Variants in PAH observed in about 807,000 individuals in gnomAD.
The protein encoded by PAH is phenylalanine hydroxylase, also known as phenylalanine-4-hydroxylase.
PAH carries 64 observed loss-of-function variants against 62.0 expected under a neutral mutation model. The observed-to-expected ratio is 1.03, with a 90% CI of 0.84 to 1.27. PAH has a LOEUF of 1.27. PAH is among the 50% of genes most tolerant of loss of function. The pLI is 0.00. For synonymous variants in PAH, 195 were observed against 196.2 expected (o/e 0.99, Z 0.05); for missense variants, 579 against 542.8 (o/e 1.07, Z -0.66).
intron 1 of PAH, chr12:102,913,946 A>C (rs2136729587): frequency 1.5e-6 from 1 of 676,316 alleles, no homozygotes; most frequent in East Asian, 2.7e-5. Context: ...GGGAAGAAAA[A>C]AATTTGCAGA....
intron 3 of PAH, among the ~76,000 whole-genome samples, chr12:102,883,112 C>T (rs963926087): frequency 2.6e-5 from 4 of 152,232 alleles, no homozygotes; most frequent in Admixed American, 6.5e-5. Flanking sequence ...GATTTATCGG[C>T]GCAGCAAACC....
In PAH at chr12:102,866,748, A is replaced by G. The variant is rs572550494; in HGVS notation, c.442-85T>C. Reference sequence around the variant, plus strand: ...ATGAATGCTTTGAATGGGGGCTCTCAAGCCATGACAGTGCATGTCTCCTTC... The same window carrying G: ...ATGAATGCTTTGAATGGGGGCTCTCGAGCCATGACAGTGCATGTCTCCTTC... On this transcript the variant is annotated intron_variant, in intron 4 of 12. Coordinates refer to ENST00000553106, the MANE Select transcript of PAH (RefSeq NM_000277.3). The G allele has an allele frequency of 2.8e-5, 30 of 1,083,796 alleles. No individual in the cohort carries two copies. The African/African-American group carries it at 4.5e-4, about 16-fold the overall frequency. The allele number at this position is 1,083,796 out of a possible 1,614,324, so 67.1% of individuals were successfully genotyped here.
chr12:102,855,886 G>C (rs1270340199), intron 5 of PAH, among the ~76,000 whole-genome samples: 1 of 152,008 alleles, frequency 6.6e-6, no homozygotes, highest in African/African-American at 2.4e-5. Context: ...TGCACTTATT[G>C]GGTTTGATAT....
chr12:102,911,309 A>G (rs1395631008), intron 2 of PAH, among the ~76,000 whole-genome samples: 1 of 152,196 alleles, frequency 6.6e-6, no homozygotes, highest in Non-Finnish European at 1.5e-5. Flanking sequence ...TTATTGAGGA[A>G]GAGACCCCAC....
At chr12:102,885,908 C>T (rs887132228) in intron 3 of PAH, 2 of 152,468 alleles carry the variant, frequency 1.3e-5, no homozygotes, top group African/African-American at 4.8e-5. Flanking sequence ...GCTGTTTTCA[C>T]CACCTCCTCC....
At chr12:102,862,774 T>C (rs540925971) in intron 5 of PAH, among the ~76,000 whole-genome samples, 1 of 152,224 alleles carries the variant, frequency 6.6e-6, no homozygotes, top group African/African-American at 2.4e-5. Context: ...GGCTCCAGAT[T>C]AGGTCTTTCT....
chr12:102,840,523 C>T lies in PAH; in HGVS notation c.1200-8G>A, dbSNP rs62507261. 1.3e-6 allele frequency: 2 copies of T among 1,591,358 alleles called. No individual in the cohort carries two copies. Among genetic ancestry groups the T allele is most frequent in the East Asian group, 2.2e-5 (1 of 44,734 alleles). The stretch of plus-strand genomic sequence containing the variant: ...ATTGTGGCAGCAAAGTTCCTAAGAC[C>T]AAAACCACAGGCTTGAGTGAAGGGC... On this transcript the variant is annotated splice_polypyrimidine_tract_variant and splice_region_variant and intron_variant, in intron 11 of 12. Coordinates refer to ENST00000553106, the MANE Select transcript of PAH (RefSeq NM_000277.3).
intron 3 of PAH, among the ~76,000 whole-genome samples, chr12:102,890,574 A>G (rs1877236063): frequency 6.6e-6 from 1 of 152,244 alleles, no homozygotes; most frequent in Non-Finnish European, 1.5e-5. Flanking sequence ...GTGACCAATC[A>G]TCTGAAGAAA....
At chr12:102,886,709 C>A (rs992437040) in intron 3 of PAH, among the ~76,000 whole-genome samples, 4 of 152,222 alleles carry the variant, frequency 2.6e-5, no homozygotes, top group Non-Finnish European at 1.5e-5. Flanking sequence ...GGGCTCAGTG[C>A]CTTGGTGCAC....
upstream of PAH, among the ~76,000 whole-genome samples, chr12:102,920,765 C>A (rs564082301): frequency 3.9e-5 from 6 of 152,278 alleles, no homozygotes; most frequent in East Asian, 1.9e-4. Context: ...AGATTTACTA[C>A]AATCTATGGA....
Position 102,879,566 on chromosome 12 carries a change from T to C in PAH, c.353-2016A>G, listed in dbSNP as rs549707215. Among the ~76,000 whole-genome samples, 13 of 147,188 alleles carry C rather than the reference T, an allele frequency of 8.8e-5. 1 individual carries two copies. In the South Asian group the frequency reaches 1.1e-3, roughly 13 times the overall value. On this transcript the variant is annotated intron_variant, in intron 3 of 12. Transcript: ENST00000553106. ...GGCTCTCTACCACCCATGTTAGCAA[T>C]AAAACTAACACTGAATGGTGTTCTA...
At chr12:102,879,852 C>T (rs184393528) in intron 3 of PAH, among the ~76,000 whole-genome samples, 2 of 152,264 alleles carry the variant, frequency 1.3e-5, no homozygotes, top group South Asian at 2.1e-4. Flanking sequence ...AGTTTCCATG[C>T]CCCTAAAGCA....
chr12:102,838,320 A>ATT lies in PAH; in HGVS notation c.*853_*854dup, dbSNP rs1874448663. 1 of 152,270 alleles carries ATT rather than the reference A, an allele frequency of 6.6e-6. No homozygotes were observed. The highest frequency in any genetic ancestry group is 2.4e-5 in the African/African-American group (1 of 41,474). 9.4% of individuals were successfully genotyped at this position (152,270 alleles called of 1,614,324 possible). On this transcript the variant is annotated 3_prime_UTR_variant, in exon 13 of 13. Coordinates refer to ENST00000553106, the MANE Select transcript of PAH (RefSeq NM_000277.3). ...TCCAGGAAATAACTGAAACAGTGAAATTGTTTAAACTACTAATGTTTTATT... is the reference window on the plus strand; with the variant it reads ...TCCAGGAAATAACTGAAACAGTGAAATTTTGTTTAAACTACTAATGTTTTATT...
chr12:102,882,561 T>C (rs1234100241), intron 3 of PAH, among the ~76,000 whole-genome samples: 1 of 146,744 alleles, frequency 6.8e-6, no homozygotes, highest in Non-Finnish European at 1.5e-5. Flanking sequence ...AGCTGTGAGT[T>C]ACATATGTGT....
At chr12:102,889,120 A>G (rs959701527) in intron 3 of PAH, among the ~76,000 whole-genome samples, 1 of 152,166 alleles carries the variant, frequency 6.6e-6, no homozygotes, top group Non-Finnish European at 1.5e-5. Flanking sequence ...TTTGGGAACC[A>G]TAGCCCCTTT....
chr12:102,933,088 T>C (rs1472577401), intron 1 of PAH, among the ~76,000 whole-genome samples: 2 of 152,210 alleles, frequency 1.3e-5, no homozygotes, highest in Non-Finnish European at 2.9e-5. Flanking sequence ...TATATCACTA[T>C]ATTTTTGTAC....
chr12:102,924,667 A>G (rs1186892124), intron 1 of PAH, among the ~76,000 whole-genome samples: 1 of 152,170 alleles, frequency 6.6e-6, no homozygotes, highest in Non-Finnish European at 1.5e-5. Context: ...CAAGGTAAAG[A>G]TAATGCCTAT....
intron 2 of PAH, among the ~76,000 whole-genome samples, chr12:102,895,658 C>A (rs1282669996): frequency 6.6e-6 from 1 of 151,740 alleles, no homozygotes; most frequent in African/African-American, 2.4e-5. Context: ...ACAAGTCTGG[C>A]CAACATGGTG....
chr12:102,923,225 A>G (rs1878600502), intron 1 of PAH, among the ~76,000 whole-genome samples: 1 of 152,228 alleles, frequency 6.6e-6, no homozygotes, highest in Non-Finnish European at 1.5e-5. Flanking sequence ...CTTGTGGATG[A>G]TAATGCCTGC....
Sources: allele counts gnomAD v4.1 joint callset (sites outside exome capture counted in the v4.1 genomes callset), GRCh38; gene constraint gnomAD v4.1.1; transcripts MANE v1.5; gene names NCBI Gene and HGNC (gene_info 2026-07-23, HGNC 2026-07-21).